KLF8: variants seen among roughly 807,000 people sequenced by gnomAD.
KLF8 encodes the protein KLF transcription factor 8.
A neutral mutation model predicts 18.2 loss-of-function variants in KLF8; 10 were observed. The observed-to-expected ratio is 0.55, with a 90% confidence interval of 0.34 to 0.93. The LOEUF (loss-of-function observed/expected upper bound fraction) is 0.93. Among genes scored for constraint, KLF8 ranks in the 40% least tolerant of loss-of-function variants. The probability of loss-of-function intolerance (pLI) is 0.02; values close to 1 mark genes in which losing one functional copy is unlikely to be tolerated. For synonymous variants in KLF8, 109 were observed against 97.3 expected (o/e 1.12, Z -0.71); for missense variants, 264 against 277.9 (o/e 0.95, Z 0.36).
the KLF8 span, among the ~76,000 whole-genome samples, chrX:56,006,804 G>A: frequency 8.9e-6 from 1 of 112,294 alleles, no homozygotes; most frequent in African/African-American, 3.2e-5. Context: ...TCTTCAGTCT[G>A]TTGACTGTGG....
the KLF8 span, among the ~76,000 whole-genome samples, chrX:56,161,367 C>G: frequency 8.9e-6 from 1 of 111,805 alleles, no homozygotes; most frequent in South Asian, 3.8e-4. Context: ...GAGTGTTTTC[C>G]AACTTGGTTC....
chrX:56,128,775 G>A, the KLF8 span, among the ~76,000 whole-genome samples: 2 of 111,568 alleles, frequency 1.8e-5, no homozygotes, highest in African/African-American at 6.5e-5. Context: ...TCTTAAATTG[G>A]CAAATTAGAT....
At chrX:55,945,071 C>T in the KLF8 span, among the ~76,000 whole-genome samples, 1 of 111,236 alleles carries the variant, frequency 9.0e-6, no homozygotes, top group South Asian at 3.9e-4. Context: ...TTTATCTCTG[C>T]CTTCATTTCG....
At chrX:56,021,975 A>AT in the KLF8 span, among the ~76,000 whole-genome samples, 1 of 110,186 alleles carries the variant, frequency 9.1e-6, no homozygotes, top group Non-Finnish European at 1.9e-5. Context: ...AAAAAAAAAA[A>AT]TGCGTCTTGG....
At chrX:55,952,858 T>C in the KLF8 span, among the ~76,000 whole-genome samples, 1 of 111,816 alleles carries the variant, frequency 8.9e-6, no homozygotes, top group Non-Finnish European at 1.9e-5. Flanking sequence ...CTGTGATAAA[T>C]GCATTAATGC....
At chrX:56,112,558 C>T in the KLF8 span, among the ~76,000 whole-genome samples, 1 of 111,761 alleles carries the variant, frequency 8.9e-6, no homozygotes. Context: ...CCCCATTCTC[C>T]CTTTTCTCCC....
At chrX:55,919,432 A>G in the KLF8 span, among the ~76,000 whole-genome samples, 1 of 111,797 alleles carries the variant, frequency 8.9e-6, no homozygotes, top group African/African-American at 3.3e-5. Context: ...AAAAACTGTG[A>G]GCCTGCTTGC....
chrX:55,963,150 A>T, the KLF8 span, among the ~76,000 whole-genome samples: 1 of 111,986 alleles, frequency 8.9e-6, no homozygotes, highest in Non-Finnish European at 1.9e-5. Flanking sequence ...CTACTGCTTG[A>T]TTGATCATCA....
chrX:56,086,055 A>T, the KLF8 span, among the ~76,000 whole-genome samples: 2 of 111,870 alleles, frequency 1.8e-5, no homozygotes, highest in African/African-American at 6.5e-5. Context: ...CATTGCAGCA[A>T]AAGAGAACAC....
the KLF8 span, among the ~76,000 whole-genome samples, chrX:56,083,623 G>A: frequency 9.0e-6 from 1 of 111,711 alleles, no homozygotes; most frequent in East Asian, 2.8e-4. Flanking sequence ...ATCTATAGCA[G>A]GAGTCTCCAA....
the KLF8 span, among the ~76,000 whole-genome samples, chrX:55,939,161 T>G: frequency 9.0e-6 from 1 of 111,272 alleles, no homozygotes; most frequent in African/African-American, 3.3e-5. Flanking sequence ...AGAACAGAAA[T>G]TATAACAAAC....
intron 1 of KLF8, among the ~76,000 whole-genome samples, chrX:56,233,735 A>G (rs2066432677): frequency 8.9e-6 from 1 of 112,080 alleles, no homozygotes; most frequent in Admixed American, 9.4e-5. Context: ...GCTCCCAGGT[A>G]ACCCCCTGAA....
At chrX:56,172,476 G>A in the KLF8 span, among the ~76,000 whole-genome samples, 1 of 111,698 alleles carries the variant, frequency 9.0e-6, no homozygotes, top group African/African-American at 3.3e-5. Flanking sequence ...TGGTGTATTT[G>A]TGCCACATTT....
the KLF8 span, among the ~76,000 whole-genome samples, chrX:55,970,933 A>C: frequency 8.9e-6 from 1 of 111,997 alleles, no homozygotes; most frequent in Non-Finnish European, 1.9e-5. Flanking sequence ...ACTTGCAATG[A>C]TATTCTATGT....
the KLF8 span, among the ~76,000 whole-genome samples, chrX:56,206,184 G>A: frequency 9.0e-6 from 1 of 111,117 alleles, no homozygotes; most frequent in Non-Finnish European, 1.9e-5. Flanking sequence ...TACAATTCGA[G>A]GTGAGATTTG....
the KLF8 span, among the ~76,000 whole-genome samples, chrX:56,055,926 T>C: frequency 8.9e-6 from 1 of 112,081 alleles, no homozygotes; most frequent in Non-Finnish European, 1.9e-5. Context: ...TCAGTTATAT[T>C]TCTTTCTATA....
chrX:56,102,364 C>T, the KLF8 span, among the ~76,000 whole-genome samples: 1 of 111,390 alleles, frequency 9.0e-6, no homozygotes, highest in Non-Finnish European at 1.9e-5. Flanking sequence ...CCTTGTAATA[C>T]AGCTTAAAGT....
chrX:56,153,699 A>G, the KLF8 span, among the ~76,000 whole-genome samples: 1 of 111,110 alleles, frequency 9.0e-6, no homozygotes, highest in African/African-American at 3.3e-5. Flanking sequence ...TCAGCCCAAA[A>G]TCTCCTTAAG....
At chrX:56,182,873 A>G in the KLF8 span, among the ~76,000 whole-genome samples, 1 of 112,355 alleles carries the variant, frequency 8.9e-6, no homozygotes, top group Non-Finnish European at 1.9e-5. Context: ...GGTGTCAGTC[A>G]GCTCATACTG....
Sources: allele counts gnomAD v4.1 joint callset (sites outside exome capture counted in the v4.1 genomes callset), GRCh38; gene constraint gnomAD v4.1.1; transcripts MANE v1.5; gene names NCBI Gene and HGNC (gene_info 2026-07-23, HGNC 2026-07-21).